OPCML: variants seen among roughly 807,000 people sequenced by gnomAD.
OPCML encodes opioid binding protein/cell adhesion molecule like.
A neutral mutation model predicts 37.8 loss-of-function variants in OPCML; 13 were observed. The observed-to-expected ratio is 0.34, with a 90% confidence interval of 0.22 to 0.55. OPCML has a LOEUF of 0.55. Among genes scored for constraint, OPCML ranks in the 20% least tolerant of loss-of-function variants. The pLI is 0.91. For synonymous variants in OPCML, 176 were observed against 168.8 expected (o/e 1.04, Z -0.33); for missense variants, 341 against 435.6 (o/e 0.78, Z 1.93).
At chr11:132,910,596 C>G (rs1408573770) in intron 2 of OPCML, among the ~76,000 whole-genome samples, 1 of 152,214 alleles carries the variant, frequency 6.6e-6, no homozygotes, top group Non-Finnish European at 1.5e-5. Context: ...TCAAGCATGT[C>G]TAGAGGGCAG....
intron 2 of OPCML, among the ~76,000 whole-genome samples, chr11:132,760,374 A>G (rs141108329): frequency 7.3e-4 from 111 of 152,268 alleles, no homozygotes; most frequent in Middle Eastern, 3.4e-3. Context: ...TGTCTCATTG[A>G]TCTGTCTAAT....
At chr11:133,446,663 TC>T (rs1417020469) in intron 1 of OPCML, among the ~76,000 whole-genome samples, 10 of 152,230 alleles carry the variant, frequency 6.6e-5, no homozygotes, top group Admixed American at 6.5e-4. Context: ...CTTTCCAACA[TC>T]TAAAAATGAT....
At chr11:133,144,917 C>T (rs904900646) in intron 1 of OPCML, among the ~76,000 whole-genome samples, 3 of 152,122 alleles carry the variant, frequency 2.0e-5, no homozygotes, top group Admixed American at 6.5e-5. Context: ...TTAGCACAGC[C>T]GAGCAGCGAA....
At position 133,208,910 on chromosome 11, in the gene OPCML, C is replaced by A. The variant is rs929561360; in HGVS notation, c.62-265900G>T. 2.6e-5 allele frequency among the ~76,000 whole-genome samples: 4 copies of A among 152,166 alleles called. No homozygotes were observed. Among genetic ancestry groups the A allele is most frequent in the Admixed American group, 6.5e-5 (1 of 15,284 alleles). On this transcript the variant is annotated intron_variant, in intron 1 of 7. Coordinates refer to ENST00000524381, the MANE Select transcript of OPCML (RefSeq NM_001012393.5). This position sits in a 1 kb window ranked among gnomAD's most constrained non-coding sequence, Gnocchi z 8.9. ...ACAACCTCCTCTGGTGTCTAAGAACCAAACCAACCCACTCTTGGGAGAAGA... is the reference window on the plus strand; with the variant it reads ...ACAACCTCCTCTGGTGTCTAAGAACAAAACCAACCCACTCTTGGGAGAAGA...
chr11:132,686,706 G>A (rs1050752424), intron 2 of OPCML, among the ~76,000 whole-genome samples: 6 of 152,096 alleles, frequency 3.9e-5, no homozygotes, highest in Admixed American at 3.3e-4. Context: ...GCTGTCCATT[G>A]ACCCTAGGTT....
intron 4 of OPCML, among the ~76,000 whole-genome samples, chr11:132,524,980 C>T (rs1362293994): frequency 6.6e-6 from 1 of 152,208 alleles, no homozygotes; most frequent in African/African-American, 2.4e-5. Flanking sequence ...TGGGCAGAGG[C>T]TACCCAGACT....
intron 2 of OPCML, among the ~76,000 whole-genome samples, chr11:132,893,283 C>G (rs1943721293): frequency 6.6e-6 from 1 of 152,068 alleles, no homozygotes; most frequent in Admixed American, 6.6e-5. Context: ...AAACAAAAAA[C>G]CTCCAGGCCT....
At chr11:132,532,257 T>TCA (rs2096327781) in intron 3 of OPCML, among the ~76,000 whole-genome samples, 1 of 151,440 alleles carries the variant, frequency 6.6e-6, no homozygotes, top group Non-Finnish European at 1.5e-5. Context: ...GTTGTCTGCT[T>TCA]TCCTCTGTAG....
At chr11:132,688,680 A>G (rs1354687675) in intron 2 of OPCML, among the ~76,000 whole-genome samples, 1 of 132,804 alleles carries the variant, frequency 7.5e-6, no homozygotes, top group Non-Finnish European at 1.6e-5. Flanking sequence ...TATCTAATAG[A>G]TACAAAATAT....
chr11:132,948,067 C>G (rs1442733069), intron 1 of OPCML, among the ~76,000 whole-genome samples: 2 of 152,212 alleles, frequency 1.3e-5, no homozygotes, highest in Non-Finnish European at 2.9e-5. Flanking sequence ...TCTCTAGCTG[C>G]CTGGCTGGTA....
chr11:133,384,313 A>G (rs372960038), intron 1 of OPCML, among the ~76,000 whole-genome samples: 1 of 151,024 alleles, frequency 6.6e-6, no homozygotes, highest in African/African-American at 2.4e-5. Flanking sequence ...GGACTGATTT[A>G]TCACCTCCCA....
intron 2 of OPCML, among the ~76,000 whole-genome samples, chr11:132,934,239 G>A (rs985538857): frequency 2.6e-5 from 4 of 152,094 alleles, no homozygotes; most frequent in African/African-American, 9.7e-5. Flanking sequence ...GGCAGGCCTC[G>A]ACCCTCAGAG....
chr11:133,422,353 A>AT (rs1311945204), intron 1 of OPCML: 29 of 966,726 alleles, frequency 3.0e-5, no homozygotes, highest in Non-Finnish European at 3.4e-5. Flanking sequence ...ATACTAGGCC[A>AT]TTTTTTCTCT....
At chr11:133,265,485 G>T (rs1941629281) in intron 1 of OPCML, among the ~76,000 whole-genome samples, 1 of 152,186 alleles carries the variant, frequency 6.6e-6, no homozygotes, top group Non-Finnish European at 1.5e-5. Flanking sequence ...TGCAACATCA[G>T]GAGAGAGGAA....
intron 1 of OPCML, among the ~76,000 whole-genome samples, chr11:133,200,697 A>G (rs1938738863): frequency 6.6e-6 from 1 of 152,254 alleles, no homozygotes; most frequent in East Asian, 1.9e-4. Context: ...CCACGTAACA[A>G]TATGTTCCAA....
At chr11:133,506,811 C>T (rs1948041966) in intron 1 of OPCML, among the ~76,000 whole-genome samples, 1 of 152,208 alleles carries the variant, frequency 6.6e-6, no homozygotes, top group Admixed American at 6.5e-5. Flanking sequence ...ATGTGCTGTC[C>T]TGGGGCAGAA....
intron 1 of OPCML, chr11:133,420,310 C>T: frequency 1.0e-6 from 1 of 985,434 alleles, no homozygotes; most frequent in Non-Finnish European, 1.2e-6. Flanking sequence ...CAAATTAATC[C>T]TAGCCATGGA....
intron 1 of OPCML, among the ~76,000 whole-genome samples, chr11:133,468,159 C>T (rs1030071760): frequency 2.0e-5 from 3 of 152,304 alleles, no homozygotes; most frequent in East Asian, 3.9e-4. Flanking sequence ...AGGGGTTTTT[C>T]CTTGCCTTTC....
At chr11:132,835,951 T>G (rs1454670811) in intron 2 of OPCML, among the ~76,000 whole-genome samples, 1 of 152,216 alleles carries the variant, frequency 6.6e-6, no homozygotes, top group African/African-American at 2.4e-5. Flanking sequence ...ATTTTTGTTG[T>G]TGTTGTTTCA....
Sources: allele counts gnomAD v4.1 joint callset (sites outside exome capture counted in the v4.1 genomes callset), GRCh38; gene constraint gnomAD v4.1.1; non-coding constraint Gnocchi (gnomAD v3.1); transcripts MANE v1.5; gene names NCBI Gene and HGNC (gene_info 2026-07-23, HGNC 2026-07-21).